The following RIIAD1 variants were observed in gnomAD, a reference collection of about 807,000 sequenced individuals.
RIIAD1 encodes the protein regulatory subunit of type II PKA R-subunit domain containing 1, also known as RIIa domain-containing protein 1.
RIIAD1 carries 15 observed loss-of-function variants against 13.3 expected under a neutral mutation model. The observed-to-expected ratio is 1.13, with a 90% CI of 0.76 to 1.74. RIIAD1 has a LOEUF of 1.74. RIIAD1 is among the 40% of genes most tolerant of loss of function. The pLI is 0.00. For synonymous variants in RIIAD1, 50 were observed against 43.3 expected, an observed-to-expected ratio of 1.16 and a Z score of -0.61; for missense variants, 121 against 112.2, an observed-to-expected ratio of 1.08 and a Z score of -0.35.
chr1:151,719,813 G>A, upstream of RIIAD1: 2 of 586,020 alleles, frequency 3.4e-6, no homozygotes, highest in Non-Finnish European at 6.0e-6. Flanking sequence ...AGGCTTGATT[G>A]ATTATCAAAG....
At chr1:151,724,690 T>G (rs1038145530) in intron 2 of RIIAD1, among the ~76,000 whole-genome samples, 11 of 152,346 alleles carry the variant, frequency 7.2e-5, no homozygotes, top group Middle Eastern at 3.4e-3. Flanking sequence ...CACCTTGAGT[T>G]TTGGACCTGA....
chr1:151,712,201 C>T (rs963356166), intron 2 of RIIAD1, among the ~76,000 whole-genome samples: 2 of 152,172 alleles, frequency 1.3e-5, no homozygotes, highest in Non-Finnish European at 2.9e-5. Flanking sequence ...CTAGTTACTA[C>T]CCACCAGGTG....
chr1:151,717,854 G>A (rs540815221), upstream of RIIAD1, among the ~76,000 whole-genome samples: 2 of 152,296 alleles, frequency 1.3e-5, no homozygotes, highest in Admixed American at 1.3e-4. Flanking sequence ...TGGATGATTG[G>A]CAGGCTCCAC....
chr1:151,720,734 G>T (rs539134659), upstream of RIIAD1, among the ~76,000 whole-genome samples: 32 of 152,284 alleles, frequency 2.1e-4, no homozygotes, highest in South Asian at 1.0e-3. Flanking sequence ...GATCTCTGTG[G>T]GGGTAGGAGC....
At chr1:151,714,872 A>G (rs1673341693) in intron 4 of RIIAD1, among the ~76,000 whole-genome samples, 1 of 151,838 alleles carries the variant, frequency 6.6e-6, no homozygotes, top group South Asian at 2.1e-4. Context: ...AGGCCTAAAT[A>G]CTGGTGGTGA....
At chr1:151,712,214 A>G (rs1673083022) in intron 2 of RIIAD1, among the ~76,000 whole-genome samples, 2 of 152,148 alleles carry the variant, frequency 1.3e-5, no homozygotes, top group African/African-American at 4.8e-5. Context: ...ACCAGGTGAC[A>G]AGCCCTCCCT....
At chr1:151,716,112 G>T (rs920427246) in intron 4 of RIIAD1, 20 of 1,343,678 alleles carry the variant, frequency 1.5e-5, no homozygotes, top group Non-Finnish European at 1.8e-5. Flanking sequence ...GGTGGGGCCC[G>T]GGGGCCCAGC....
intron 2 of RIIAD1, among the ~76,000 whole-genome samples, chr1:151,723,342 T>G (rs914696571): frequency 1.4e-5 from 2 of 142,254 alleles, no homozygotes; most frequent in Non-Finnish European, 3.1e-5. Context: ...TGCAGTGAGC[T>G]GGGATTGCTC....
intron 2 of RIIAD1, among the ~76,000 whole-genome samples, chr1:151,725,598 C>G (rs1290031221): frequency 1.3e-5 from 2 of 152,168 alleles, no homozygotes. Context: ...ATCCTTTGTG[C>G]CCCTCCCAGT....
intron 1 of RIIAD1, 76 bp from the exon 2 acceptor site, chr1:151,722,010 G>A (rs1673745660): frequency 4.8e-6 from 5 of 1,035,724 alleles, no homozygotes; most frequent in Non-Finnish European, 5.9e-6. Context: ...GCCGTTTCCC[G>A]CAGCCCTTCA....
upstream of RIIAD1, among the ~76,000 whole-genome samples, chr1:151,721,100 A>C (rs183073908): frequency 6.6e-6 from 1 of 152,256 alleles, no homozygotes; most frequent in East Asian, 1.9e-4. Flanking sequence ...TGTTTGAAGA[A>C]TCCACGGCTC....
chr1:151,718,638 T>C (rs1358315269), upstream of RIIAD1, among the ~76,000 whole-genome samples: 1 of 152,206 alleles, frequency 6.6e-6, no homozygotes, highest in African/African-American at 2.4e-5. Context: ...TGTGTATGTG[T>C]GTAGACTTGA....
At chr1:151,715,033 C>T (rs1241490112) in intron 4 of RIIAD1, among the ~76,000 whole-genome samples, 1 of 152,030 alleles carries the variant, frequency 6.6e-6, no homozygotes, top group Non-Finnish European at 1.5e-5. Context: ...CACCTCCCTC[C>T]ATCTTGATCA....
chr1:151,716,898 A>T, upstream of RIIAD1: 1 of 414,624 alleles, frequency 2.4e-6, no homozygotes, highest in South Asian at 1.8e-5. Context: ...TCTACCCTGG[A>T]GAGGGACGCA....
chr1:151,727,921 C>T (rs1253583860), intron 3 of RIIAD1, among the ~76,000 whole-genome samples: 2 of 152,202 alleles, frequency 1.3e-5, no homozygotes, highest in Non-Finnish European at 1.5e-5. Context: ...GTTCTCAACC[C>T]TAGCTGTACA....
intron 4 of RIIAD1, chr1:151,716,027 G>A (rs769233873): frequency 9.3e-6 from 15 of 1,607,628 alleles, no homozygotes; most frequent in Middle Eastern, 1.7e-4. Context: ...TCATTGAGGC[G>A]GCCCAGGAGG....
chr1:151,726,064 T>A (rs1673823913), intron 2 of RIIAD1, among the ~76,000 whole-genome samples: 1 of 152,182 alleles, frequency 6.6e-6, no homozygotes, highest in African/African-American at 2.4e-5. Context: ...ACAAACTGTT[T>A]CTCTTTCTGG....
chr1:151,714,611 G>C (rs1435739189), intron 4 of RIIAD1: 1 of 1,557,362 alleles, frequency 6.4e-7, no homozygotes, highest in African/African-American at 1.4e-5. Context: ...AGCGTCTTCT[G>C]TTCGTGCAGG....
upstream of RIIAD1, chr1:151,719,802 A>G: frequency 1.7e-6 from 1 of 588,662 alleles, no homozygotes; most frequent in Admixed American, 3.2e-5. Context: ...TCAGTGAAGA[A>G]AGGCTTGATT....
Sources: allele counts gnomAD v4.1 joint callset (sites outside exome capture counted in the v4.1 genomes callset), GRCh38; gene constraint gnomAD v4.1.1; transcripts MANE v1.5; gene names NCBI Gene and HGNC (gene_info 2026-07-23, HGNC 2026-07-21).